RAP1GDS1: variants seen among roughly 807,000 people sequenced by gnomAD.
The protein encoded by RAP1GDS1 is Rap1 GTPase-GDP dissociation stimulator 1.
RAP1GDS1 carries 35 observed loss-of-function variants against 71.1 expected under a neutral mutation model. That is an observed-to-expected ratio of 0.49 (90% CI 0.38 to 0.65). RAP1GDS1 has a LOEUF of 0.65. Ranked by LOEUF, RAP1GDS1 falls within the 30% of genes least tolerant of loss-of-function variation. The pLI is 0.00. For synonymous variants in RAP1GDS1, 229 were observed against 243.1 expected, an observed-to-expected ratio of 0.94 and a Z score of 0.54; for missense variants, 663 against 706.1, an observed-to-expected ratio of 0.94 and a Z score of 0.69.
intron 1 of RAP1GDS1, among the ~76,000 whole-genome samples, chr4:98,275,904 C>T (rs1724128140): frequency 6.6e-6 from 1 of 152,194 alleles, no homozygotes; most frequent in Admixed American, 6.6e-5. Flanking sequence ...CTTGAGACTA[C>T]ACTACCCTTT....
intron 2 of RAP1GDS1, among the ~76,000 whole-genome samples, chr4:98,325,849 C>T (rs1441256208): frequency 1.3e-5 from 2 of 150,204 alleles, no homozygotes; most frequent in Non-Finnish European, 3.0e-5. Context: ...GTGCAGCGCA[C>T]CAGCATGGCA....
intron 12 of RAP1GDS1, 67 bp from the exon 13 acceptor site, chr4:98,433,869 T>G: frequency 6.8e-7 from 1 of 1,462,470 alleles, no homozygotes; most frequent in African/African-American, 1.4e-5. Context: ...ATGAGTTGAC[T>G]GATTTTAATG....
At chr4:98,407,919 C>T (rs1746388365) in intron 7 of RAP1GDS1, among the ~76,000 whole-genome samples, 1 of 151,914 alleles carries the variant, frequency 6.6e-6, no homozygotes, top group South Asian at 2.1e-4. Context: ...CATATAATTA[C>T]TACAGTTGAG....
intron 1 of RAP1GDS1, among the ~76,000 whole-genome samples, chr4:98,275,018 CTGTGTGTGTG>C (rs3974887): frequency 2.1e-5 from 3 of 144,928 alleles, no homozygotes; most frequent in South Asian, 2.2e-4. Flanking sequence ...TTGTTTGCAG[CTGTGTGTGTG>C]TGTGTGTGTG....
intron 2 of RAP1GDS1, among the ~76,000 whole-genome samples, chr4:98,318,990 G>C (rs1179343066): frequency 6.6e-6 from 1 of 152,188 alleles, no homozygotes; most frequent in Non-Finnish European, 1.5e-5. Flanking sequence ...GTTCTCTGGG[G>C]GGGGAAATGA....
chr4:98,352,310 A>AC (rs1737326135), intron 3 of RAP1GDS1, among the ~76,000 whole-genome samples, 166 bp from the exon 4 acceptor site: 1 of 152,212 alleles, frequency 6.6e-6, no homozygotes, highest in Non-Finnish European at 1.5e-5. Context: ...TAGGGCTGTA[A>AC]CAGGGTACTT....
At chr4:98,360,117 T>G (rs1182423274) in intron 4 of RAP1GDS1, among the ~76,000 whole-genome samples, 1 of 152,218 alleles carries the variant, frequency 6.6e-6, no homozygotes, top group East Asian at 1.9e-4. Flanking sequence ...ACCTTAAAAT[T>G]GTAGGACAAA....
chr4:98,376,741 A>G (rs1741237186), intron 4 of RAP1GDS1, among the ~76,000 whole-genome samples: 1 of 151,898 alleles, frequency 6.6e-6, no homozygotes, highest in African/African-American at 2.4e-5. Context: ...TTCTTCTCAT[A>G]TTTGGTAATA....
intron 6 of RAP1GDS1, among the ~76,000 whole-genome samples, chr4:98,397,467 G>T (rs1256595205): frequency 6.6e-6 from 1 of 151,888 alleles, no homozygotes; most frequent in Non-Finnish European, 1.5e-5. Flanking sequence ...ACCTCCCCCC[G>T]ACCCACTCTC....
At chr4:98,323,884 A>G (rs1226363186) in intron 2 of RAP1GDS1, among the ~76,000 whole-genome samples, 4 of 143,144 alleles carry the variant, frequency 2.8e-5, no homozygotes, top group African/African-American at 1.0e-4. Flanking sequence ...GCCCTCTCTC[A>G]CCACTCCTAT....
chr4:98,381,661 A>T (rs1054715790), intron 5 of RAP1GDS1, among the ~76,000 whole-genome samples: 1 of 151,620 alleles, frequency 6.6e-6, no homozygotes, highest in African/African-American at 2.4e-5. Context: ...TTTACTATGT[A>T]GAACATCAGT....
chr4:98,267,218 G>A (rs562985316), intron 1 of RAP1GDS1, among the ~76,000 whole-genome samples: 3 of 152,252 alleles, frequency 2.0e-5, no homozygotes, highest in Non-Finnish European at 2.9e-5. Context: ...TTTGGTATCA[G>A]GGTAATGCTG....
At chr4:98,279,242 A>C (rs1724694263) in intron 1 of RAP1GDS1, among the ~76,000 whole-genome samples, 1 of 151,824 alleles carries the variant, frequency 6.6e-6, no homozygotes, top group African/African-American at 2.4e-5. Context: ...ACAAACAAAC[A>C]AACAAAAATA....
chr4:98,286,816 G>T (rs548788093), intron 1 of RAP1GDS1, among the ~76,000 whole-genome samples: 261 of 150,970 alleles, frequency 1.7e-3, no homozygotes, highest in African/African-American at 6.2e-3. Flanking sequence ...AAACCAGGAG[G>T]TGGAGGTTGT....
chr4:98,261,672 G>T (rs1721988577), intron 1 of RAP1GDS1, 103 bp downstream of exon 1: 6 of 1,395,720 alleles, frequency 4.3e-6, no homozygotes, highest in Admixed American at 2.1e-5. Context: ...GATTTCTCCA[G>T]TCCCCGGGTG....
At chr4:98,270,289 G>C (rs1723274977) in intron 1 of RAP1GDS1, among the ~76,000 whole-genome samples, 1 of 152,084 alleles carries the variant, frequency 6.6e-6, no homozygotes, top group Non-Finnish European at 1.5e-5. Flanking sequence ...AAACCATATA[G>C]TTATAAAGAC....
chr4:98,412,272 G>A (rs1227535507), intron 7 of RAP1GDS1, among the ~76,000 whole-genome samples: 3 of 152,086 alleles, frequency 2.0e-5, no homozygotes, highest in Admixed American at 6.5e-5. Context: ...TAGCACTTTG[G>A]GAGGCCAAGG....
intron 1 of RAP1GDS1, among the ~76,000 whole-genome samples, chr4:98,271,027 A>G (rs111826076): frequency 2.6e-5 from 4 of 152,212 alleles, no homozygotes; most frequent in African/African-American, 9.6e-5. Flanking sequence ...TTGACTGTTT[A>G]TGTTATTGGT....
At chr4:98,320,562 A>G in intron 2 of RAP1GDS1, among the ~76,000 whole-genome samples, 1 of 152,038 alleles carries the variant, frequency 6.6e-6, no homozygotes, top group Non-Finnish European at 1.5e-5. Flanking sequence ...CCCAGCACGC[A>G]GCTGGAGATC....
Sources: allele counts gnomAD v4.1 joint callset (sites outside exome capture counted in the v4.1 genomes callset), GRCh38; gene constraint gnomAD v4.1.1; transcripts MANE v1.5; gene names NCBI Gene and HGNC (gene_info 2026-07-23, HGNC 2026-07-21).